Variants in WNK1 observed in about 807,000 individuals in gnomAD.
WNK1 encodes serine/threonine-protein kinase WNK1.
In WNK1, 38 loss-of-function variants were observed where a neutral mutation model predicts 222.8. The observed-to-expected ratio is 0.17, with a 90% confidence interval of 0.13 to 0.22. The LOEUF (loss-of-function observed/expected upper bound fraction) is 0.22, where lower values mean the gene tolerates loss of function less well. WNK1 is among the 10% of genes least tolerant of loss of function. The pLI is 1.00. For missense variants in WNK1, 2,348 were observed against 2,918.4 expected, an observed-to-expected ratio of 0.80 and a Z score of 4.50; for synonymous variants, 1,090 against 1,092.9, an observed-to-expected ratio of 1.00 and a Z score of 0.05.
chr12:894,155 T>A (rs1592217664), intron 22 of WNK1, among the ~76,000 whole-genome samples: 1 of 151,958 alleles, frequency 6.6e-6, no homozygotes, highest in Non-Finnish European at 1.5e-5. Flanking sequence ...TAGGTGGAGG[T>A]TGCAATGAGC....
At chr12:888,835 G>A (rs999097764) in intron 20 of WNK1, among the ~76,000 whole-genome samples, 5 of 152,088 alleles carry the variant, frequency 3.3e-5, no homozygotes, top group Admixed American at 1.3e-4. Flanking sequence ...TTTAAAGGTC[G>A]CACAAATAAA....
intron 1 of WNK1, among the ~76,000 whole-genome samples, chr12:812,011 A>G (rs1034364203): frequency 5.3e-5 from 8 of 152,230 alleles, no homozygotes; most frequent in African/African-American, 1.9e-4. Flanking sequence ...TTAGATTGTC[A>G]TTCAGTGTAT....
At position 896,724 on chromosome 12, in the gene WNK1, A is replaced by G. The variant is rs1321787797; in HGVS notation, c.6237A>G (p.Leu2079=). ...DEDLKLELRR[L]RDKHLKEIQD... ...ACTTAAAGTTAGAGCTGCGACGACT[A>G]CGAGATAAGTAAGTATATTTTCTCT... Residue 2079 remains leucine (L), a synonymous_variant, in exon 24 of 28, where the codon CTA becomes CTG. Transcript: ENST00000315939. The G allele has an allele frequency of 6.8e-6, 11 of 1,609,430 alleles. No individual in the cohort carries two copies. Among genetic ancestry groups the G allele is most frequent in the Non-Finnish European group, 9.3e-6 (11 of 1,179,354 alleles).
chr12:860,605 G>A (rs886678827), intron 6 of WNK1, among the ~76,000 whole-genome samples: 1 of 152,220 alleles, frequency 6.6e-6, no homozygotes, highest in African/African-American at 2.4e-5. Flanking sequence ...TGTTTTAGCA[G>A]ATTAAGTAGT....
rs10717495 is a variant in WNK1 at position 879,513 on chromosome 12, C to CTTTT, written c.2374-39_2374-36dup. 825 of 402,476 alleles carry CTTTT rather than the reference C, an allele frequency of 2.0e-3. 1 individual carries two copies. Among genetic ancestry groups the CTTTT allele is most frequent in the South Asian group, 3.1e-3 (104 of 33,484 alleles). 24.9% of individuals were successfully genotyped at this position (402,476 alleles called of 1,614,324 possible). A position where few individuals can be genotyped will look rare whatever the true frequency, so the allele number is the denominator to read the frequency against. On this transcript the variant is annotated intron_variant, in intron 10 of 27. Transcript: ENST00000315939. ...ATAAATCTTGCTTTTGGCAGCCTTG[C>CTTTT]TTTTTTTTTTTTTTTTTTTTTTTTA...
chr12:828,874 G>C (rs1346962216), intron 3 of WNK1, among the ~76,000 whole-genome samples: 1 of 152,134 alleles, frequency 6.6e-6, no homozygotes, highest in Non-Finnish European at 1.5e-5. Flanking sequence ...AAGTGAACTT[G>C]GATACTGAGT....
At chr12:829,230 G>A (rs1948608199) in intron 3 of WNK1, among the ~76,000 whole-genome samples, 1 of 152,092 alleles carries the variant, frequency 6.6e-6, no homozygotes, top group African/African-American at 2.4e-5. Context: ...TAGTCTTGTG[G>A]GATCACACAC....
chr12:898,743 T>C (rs1029558291), intron 25 of WNK1, among the ~76,000 whole-genome samples: 12 of 147,334 alleles, frequency 8.1e-5, no homozygotes, highest in African/African-American at 2.4e-4. Context: ...CCTGCTAACT[T>C]TGAATTTTTT....
rs558036632 is a variant in WNK1 at position 819,354 on chromosome 12, T to C, written c.932+5540T>C. On this transcript the variant is annotated intron_variant, in intron 2 of 27. Transcript: ENST00000315939. ...TGAGTATAGTATCTCTTATCCGAAATGCTTGGGACCAGAAGGGCTTTGAAT... is the reference window on the plus strand; with the variant it reads ...TGAGTATAGTATCTCTTATCCGAAACGCTTGGGACCAGAAGGGCTTTGAAT... 3.9e-5 allele frequency among the ~76,000 whole-genome samples: 6 copies of C among 152,280 alleles called. No individual in the cohort carries two copies. The South Asian group carries it at 6.2e-4, about 16-fold the overall frequency.
At chr12:886,225 C>A in intron 19 of WNK1, 141 bp downstream of exon 19, 1 of 757,494 alleles carries the variant, frequency 1.3e-6, no homozygotes, top group Non-Finnish European at 2.0e-6. Flanking sequence ...AAATTGACAG[C>A]AGTTTGAGGG....
rs746898237 is a variant in WNK1 at position 896,313 on chromosome 12, G to A, written c.5826G>A (p.Lys1942=). 1.2e-6 allele frequency: 2 copies of A among 1,614,182 alleles called. No homozygotes were observed. The highest frequency in any genetic ancestry group is 2.2e-5 in the South Asian group (2 of 91,090). ...AGTCAGACACTGGGCAGCCTACCAAGGTTGGACGTTTTCAGGTGACAACTA... is the reference window on the plus strand; with the variant it reads ...AGTCAGACACTGGGCAGCCTACCAAAGTTGGACGTTTTCAGGTGACAACTA... ...EAKSDTGQPT[K]VGRFQVTTTA... The change falls in exon 24 of 28, where the codon AAG becomes AAA. Residue 1942 remains lysine, a synonymous_variant. Coordinates refer to ENST00000315939, the MANE Select transcript of WNK1 (RefSeq NM_018979.4).
At chr12:773,291 T>G (rs540143884) in intron 1 of WNK1, among the ~76,000 whole-genome samples, 9 of 152,088 alleles carry the variant, frequency 5.9e-5, no homozygotes, top group Non-Finnish European at 1.2e-4. Flanking sequence ...GAAGTTTAGT[T>G]TCGTATATTG....
chr12:831,188 A>G (rs955814607), intron 4 of WNK1, among the ~76,000 whole-genome samples: 8 of 152,198 alleles, frequency 5.3e-5, no homozygotes, highest in Admixed American at 4.6e-4. Context: ...TCCAGAGGCT[A>G]TATGATACTG....
chr12:771,243 C>T (rs940454918), intron 1 of WNK1, among the ~76,000 whole-genome samples: 11 of 151,974 alleles, frequency 7.2e-5, no homozygotes, highest in African/African-American at 1.9e-4. Context: ...GTGATCCGCC[C>T]GCCTCTGCCT....
At chr12:810,201 T>G (rs1296572758) in intron 1 of WNK1, among the ~76,000 whole-genome samples, 1 of 151,714 alleles carries the variant, frequency 6.6e-6, no homozygotes, top group African/African-American at 2.4e-5. Flanking sequence ...GAGCAGAGAT[T>G]GTGTCACTGC....
chr12:871,677 A>G (rs1025895714), intron 9 of WNK1, among the ~76,000 whole-genome samples: 1 of 152,090 alleles, frequency 6.6e-6, no homozygotes, highest in Non-Finnish European at 1.5e-5. Context: ...ATCTTAGCTC[A>G]CTGCAACCAC....
chr12:868,659 C>T, intron 8 of WNK1: 14 of 1,613,986 alleles, frequency 8.7e-6, no homozygotes, highest in Non-Finnish European at 1.1e-5. Flanking sequence ...AGCTCCTCTT[C>T]AGGAGAAGGA....
chr12:753,681 T>C lies in WNK1; in HGVS notation c.116T>C (p.Leu39Pro). 3.1e-6 allele frequency: 5 copies of C among 1,612,064 alleles called. No individual in the cohort carries two copies. Among genetic ancestry groups the C allele is most frequent in the South Asian group, 1.1e-5 (1 of 91,056 alleles). ...SSSDSSVGEK[L>P]GAAAADAVTG... is the part of the protein sequence containing the mutation. ...TCCGATTCCTCCGTGGGGGAGAAAC[T>C]GGGAGCCGCGGCCGCCGACGCTGTG... Residue 39 changes from leucine (L) to proline (P), a missense_variant, in exon 1 of 28, where the codon CTG becomes CCG. This residue lies in a region of WNK1 where 108 missense variants were observed against 109.7 expected (regional missense o/e 0.98). Transcript: ENST00000315939. The surrounding 1 kb of genome is among the most constrained non-coding windows in gnomAD (Gnocchi z 5.2).
chr12:753,998 G>A lies in WNK1; in HGVS notation c.433G>A (p.Glu145Lys), dbSNP rs1160450863. The change falls in exon 1 of 28, where the codon GAA (glutamate) becomes AAA (lysine). Residue 145 changes from glutamate (E) to lysine (K), a missense_variant. Glu to Lys is a moderately conservative substitution (Grantham distance 56). This residue lies in a region of WNK1 where 185 missense variants were observed against 159.2 expected (regional missense o/e 1.16). Transcript: ENST00000315939. The surrounding 1 kb of genome is among the most constrained non-coding windows in gnomAD (Gnocchi z 5.2). Reference sequence around the variant, plus strand: ...GCCTCCAGCCGCTGCCGCCCCTGGGGAACAGGCCGTCGCGGGCCCTGCCCC... The same window carrying A: ...GCCTCCAGCCGCTGCCGCCCCTGGGAAACAGGCCGTCGCGGGCCCTGCCCC... Reference protein sequence around the residue: ...QQPPAAAAPGEQAVAGPAPST... With the variant: ...QQPPAAAAPGKQAVAGPAPST... The A allele has an allele frequency of 3.1e-6, 5 of 1,589,820 alleles. No homozygotes were observed. The highest frequency in any genetic ancestry group is 2.3e-5 in the East Asian group (1 of 43,590).
Sources: gnomAD v4.1 joint callset for allele counts (sites outside exome capture counted in the v4.1 genomes callset) on GRCh38, gnomAD v4.1.1 for gene constraint, gnomAD v4.1.1 regional missense constraint, Gnocchi (gnomAD v3.1) non-coding constraint, MANE v1.5 for transcripts, NCBI Gene and HGNC (gene_info 2026-07-23, HGNC 2026-07-21) for gene names.